The following NAALADL2 variants were observed in gnomAD, a reference collection of about 807,000 sequenced individuals.
NAALADL2 encodes N-acetylated alpha-linked acidic dipeptidase like 2.
Under a neutral mutation model 87.2 loss-of-function variants are expected in NAALADL2, and 76 were observed. That is an observed-to-expected ratio of 0.87 (90% CI 0.72 to 1.05). NAALADL2 has a LOEUF of 1.05. NAALADL2 is among the 50% of genes least tolerant of loss of function. The pLI is 0.00. For synonymous variants in NAALADL2, 354 were observed against 331.0 expected, an observed-to-expected ratio of 1.07 and a Z score of -0.75; for missense variants, 1,089 against 945.8, an observed-to-expected ratio of 1.15 and a Z score of -1.99.
At chr3:174,703,805 T>C (rs1729803888) in intron 2 of NAALADL2, among the ~76,000 whole-genome samples, 1 of 152,180 alleles carries the variant, frequency 6.6e-6, no homozygotes, top group South Asian at 2.1e-4. Flanking sequence ...CTTTATACTC[T>C]ACTCTGCTCT....
rs182284903 is a variant in NAALADL2, at chr3:175,679,683, G to A, written c.1896+52297G>A. Among the ~76,000 whole-genome samples, 122 of 152,216 alleles carry A rather than the reference G, an allele frequency of 8.0e-4. 1 individual carries two copies. The South Asian group carries it at 0.011, about 14-fold the overall frequency. On this transcript the variant is annotated intron_variant, in intron 11 of 13. Transcript: ENST00000454872. ...AGTCCTGAGTCAAACCAGTCAATAC[G>A]AAATCTGTTTTACCCGTGATAAACA...
At chr3:174,760,729 G>A (rs1423556235) in intron 3 of NAALADL2, among the ~76,000 whole-genome samples, 1 of 152,204 alleles carries the variant, frequency 6.6e-6, no homozygotes, top group Non-Finnish European at 1.5e-5. Context: ...GTGTTTGGCT[G>A]TGACTCGGAG....
chr3:174,628,433 C>T (rs59261701), intron 2 of NAALADL2, among the ~76,000 whole-genome samples: 3,814 of 137,814 alleles, frequency 0.028, 196 homozygotes, highest in African/African-American at 0.1. Context: ...GCTGAGATGG[C>T]GCCACTGCAC....
chr3:175,006,439 A>G (rs1749030744), intron 1 of NAALADL2, among the ~76,000 whole-genome samples: 1 of 152,134 alleles, frequency 6.6e-6, no homozygotes, highest in African/African-American at 2.4e-5. Flanking sequence ...TGAATGATTC[A>G]TTTGATTGGA....
At chr3:174,834,796 TAAATG>T (rs1343701061) in intron 3 of NAALADL2, among the ~76,000 whole-genome samples, 1 of 151,706 alleles carries the variant, frequency 6.6e-6, no homozygotes, top group Admixed American at 6.6e-5. Context: ...AGTATATAAA[TAAATG>T]AAGAGATAAG....
intron 5 of NAALADL2, among the ~76,000 whole-genome samples, chr3:175,424,545 G>T (rs1581827470): frequency 6.6e-6 from 1 of 152,140 alleles, no homozygotes; most frequent in Admixed American, 6.5e-5. Context: ...TTTTTGTCAG[G>T]TTTGTCAAAG....
At chr3:174,504,586 TA>T (rs1289241763) in intron 1 of NAALADL2, among the ~76,000 whole-genome samples, 1 of 152,132 alleles carries the variant, frequency 6.6e-6, no homozygotes, top group Non-Finnish European at 1.5e-5. Flanking sequence ...TCTTGATTTT[TA>T]AAGGAATTTT....
chr3:175,230,465 G>C (rs1744780338), intron 2 of NAALADL2, among the ~76,000 whole-genome samples: 1 of 151,874 alleles, frequency 6.6e-6, no homozygotes, highest in Non-Finnish European at 1.5e-5. Flanking sequence ...GCAAAAACAA[G>C]AGCAGTTATT....
At chr3:175,465,249 CT>C (rs1307893073) in intron 7 of NAALADL2, among the ~76,000 whole-genome samples, 4 of 116,014 alleles carry the variant, frequency 3.4e-5, no homozygotes, top group African/African-American at 7.7e-5. Context: ...GAGACTCTAT[CT>C]CAAAAAAAAA....
At chr3:174,894,083 A>C (rs1441082474) in intron 1 of NAALADL2, among the ~76,000 whole-genome samples, 1 of 152,172 alleles carries the variant, frequency 6.6e-6, no homozygotes, top group Non-Finnish European at 1.5e-5. Flanking sequence ...TTTTAAGACA[A>C]AAACTATAAG....
chr3:175,118,462 T>A (rs1164346528), intron 2 of NAALADL2, among the ~76,000 whole-genome samples: 1 of 151,542 alleles, frequency 6.6e-6, no homozygotes, highest in Non-Finnish European at 1.5e-5. Flanking sequence ...GGAAAAACTA[T>A]AAATTATCAC....
intron 1 of NAALADL2, among the ~76,000 whole-genome samples, chr3:175,081,755 C>T (rs1236073002): frequency 6.6e-6 from 1 of 152,188 alleles, no homozygotes; most frequent in Non-Finnish European, 1.5e-5. Context: ...CCACAATTTA[C>T]TTCCGAACTG....
At chr3:175,667,241 A>AAGAAAGAAAG (rs1182682303) in intron 11 of NAALADL2, among the ~76,000 whole-genome samples, 9 of 91,710 alleles carry the variant, frequency 9.8e-5, no homozygotes, top group African/African-American at 4.6e-4. Flanking sequence ...GAAAGAAAGA[A>AAGAAAGAAAG]AAAGAAAGAA....
chr3:174,480,617 A>G (rs926853008), intron 1 of NAALADL2, among the ~76,000 whole-genome samples: 8 of 151,942 alleles, frequency 5.3e-5, no homozygotes, highest in African/African-American at 1.9e-4. Flanking sequence ...CTCCACTATC[A>G]CCTTACATTT....
chr3:174,889,451 C>G (rs1362729259), intron 1 of NAALADL2, among the ~76,000 whole-genome samples: 1 of 152,026 alleles, frequency 6.6e-6, no homozygotes, highest in Non-Finnish European at 1.5e-5. Flanking sequence ...GCCTTTAGTT[C>G]CCTGCTTCCT....
At chr3:175,592,413 C>A (rs1298685510) in intron 10 of NAALADL2, among the ~76,000 whole-genome samples, 1 of 148,822 alleles carries the variant, frequency 6.7e-6, no homozygotes, top group Non-Finnish European at 1.5e-5. Context: ...TTACCTAATT[C>A]AGGCAATTCA....
At chr3:174,859,251 C>T (rs2109523960), upstream of NAALADL2, 1 of 615,788 alleles carries the variant, frequency 1.6e-6, no homozygotes, top group African/African-American at 1.8e-5. Flanking sequence ...GTCCTGCAAG[C>T]CCAGGTAACT....
At chr3:175,078,739 C>T (rs894711357) in intron 1 of NAALADL2, among the ~76,000 whole-genome samples, 2 of 152,182 alleles carry the variant, frequency 1.3e-5, no homozygotes, top group African/African-American at 4.8e-5. Flanking sequence ...TTTTGAGATT[C>T]ATCCATTTTT....
At chr3:175,624,319 C>T (rs1726679894) in intron 10 of NAALADL2, among the ~76,000 whole-genome samples, 1 of 152,004 alleles carries the variant, frequency 6.6e-6, no homozygotes, top group African/African-American at 2.4e-5. Flanking sequence ...TTATGCCAGA[C>T]ATTCCTAAAT....
Sources: gnomAD v4.1 joint callset for allele counts (sites outside exome capture counted in the v4.1 genomes callset) on GRCh38, gnomAD v4.1.1 for gene constraint, MANE v1.5 for transcripts, NCBI Gene and HGNC (gene_info 2026-07-23, HGNC 2026-07-21) for gene names.